ZCWPW2: variants seen among roughly 807,000 people sequenced by gnomAD.
The protein encoded by ZCWPW2 is zinc finger CW-type PWWP domain protein 2.
A neutral mutation model predicts 46.6 loss-of-function variants in ZCWPW2; 45 were observed. The observed-to-expected ratio is 0.96, with a 90% CI of 0.76 to 1.24. The LOEUF (loss-of-function observed/expected upper bound fraction) is 1.24. Ranked by LOEUF, ZCWPW2 falls within the 50% of genes most tolerant of loss-of-function variation. ZCWPW2 has a pLI of 0.00. For missense variants in ZCWPW2, 429 were observed against 403.9 expected (o/e 1.06, Z -0.53); for synonymous variants, 152 against 137.1 (o/e 1.11, Z -0.76).
rs1028524178 is a variant in ZCWPW2, at chr3:28,491,805, A to G, written c.611-322A>G. Among the ~76,000 whole-genome samples, 5 of 152,244 alleles carry G rather than the reference A, an allele frequency of 3.3e-5. No individual in the cohort carries two copies. The East Asian group carries it at 9.7e-4, about 29-fold the overall frequency. ...GCTGGGATTCAGTTCTAGATCCTAT[A>G]TACTCCAGAGCACACAAGCTCCCCA... is the stretch of plus-strand genomic sequence containing the variant. On this transcript the variant is annotated intron_variant, in intron 5 of 9. Coordinates refer to ENST00000383768, the MANE Select transcript of ZCWPW2 (RefSeq NM_001040432.4).
intron 1 of ZCWPW2, among the ~76,000 whole-genome samples, chr3:28,375,585 A>T (rs140354602): frequency 1.5e-3 from 231 of 152,190 alleles, no homozygotes; most frequent in East Asian, 0.012. Context: ...TGAAATAAGC[A>T]TACCATGGAG....
At chr3:28,350,997 T>C (rs558762407) in intron 1 of ZCWPW2, among the ~76,000 whole-genome samples, 1 of 151,830 alleles carries the variant, frequency 6.6e-6, no homozygotes, top group African/African-American at 2.4e-5. Flanking sequence ...AATTTTCATA[T>C]TTTCCCAAGA....
At chr3:28,436,314 C>CTTTT (rs896044426) in intron 4 of ZCWPW2, among the ~76,000 whole-genome samples, 1 of 101,424 alleles carries the variant, frequency 9.9e-6, no homozygotes, top group African/African-American at 4.6e-5. Context: ...TGAATATTTT[C>CTTTT]TTTTTTTTCT....
At chr3:28,480,757 T>G (rs1228390375) in intron 5 of ZCWPW2, among the ~76,000 whole-genome samples, 11 of 152,290 alleles carry the variant, frequency 7.2e-5, no homozygotes, top group Non-Finnish European at 1.2e-4. Context: ...AATTTTTGTA[T>G]ATGGTATAAG....
chr3:28,409,245 A>G (rs1696300773), intron 2 of ZCWPW2, among the ~76,000 whole-genome samples: 1 of 149,048 alleles, frequency 6.7e-6, no homozygotes, highest in South Asian at 2.1e-4. Flanking sequence ...TCAGCCTTGC[A>G]AGTAGCTGGG....
chr3:28,356,692 A>G (rs1024437610), intron 1 of ZCWPW2, among the ~76,000 whole-genome samples: 1 of 152,228 alleles, frequency 6.6e-6, no homozygotes, highest in Non-Finnish European at 1.5e-5. Context: ...TGATGAGTTC[A>G]TGTCCTTTGT....
chr3:28,479,636 G>C (rs185489271), intron 5 of ZCWPW2, among the ~76,000 whole-genome samples: 29 of 152,216 alleles, frequency 1.9e-4, no homozygotes, highest in African/African-American at 6.3e-4. Flanking sequence ...ATTAAGCTTA[G>C]TACACATTAG....
chr3:28,430,661 G>A (rs552721606), intron 3 of ZCWPW2, among the ~76,000 whole-genome samples: 1 of 152,278 alleles, frequency 6.6e-6, no homozygotes, highest in South Asian at 2.1e-4. Context: ...ATTGTAATCT[G>A]AATTGTAATT....
chr3:28,451,139 C>A (rs1276959032), intron 4 of ZCWPW2, among the ~76,000 whole-genome samples: 3 of 152,164 alleles, frequency 2.0e-5, no homozygotes, highest in African/African-American at 7.2e-5. Context: ...CTGCATTCAA[C>A]ATGTGCTGTG....
At chr3:28,463,288 T>C (rs1274902897) in intron 4 of ZCWPW2, among the ~76,000 whole-genome samples, 1 of 152,162 alleles carries the variant, frequency 6.6e-6, no homozygotes, top group Non-Finnish European at 1.5e-5. Flanking sequence ...ATATCCTTTC[T>C]TGGAATCATA....
chr3:28,504,363 C>T lies in ZCWPW2; in HGVS notation c.658-9701C>T, dbSNP rs548097488. 6.7e-4 allele frequency among the ~76,000 whole-genome samples: 102 copies of T among 151,778 alleles called. 1 individual carries two copies. The South Asian group carries it at 8.5e-3, about 13-fold the overall frequency. ...TTTTAGTTGTGCTATTGTGGAGAGTCTGTCTATTCCTATGTATGAGAGAGA... is the reference window on the plus strand; with the variant it reads ...TTTTAGTTGTGCTATTGTGGAGAGTTTGTCTATTCCTATGTATGAGAGAGA... On this transcript the variant is annotated intron_variant, in intron 6 of 9. Coordinates refer to ENST00000383768, the MANE Select transcript of ZCWPW2 (RefSeq NM_001040432.4).
chr3:28,513,677 C>T (rs1051510402), intron 6 of ZCWPW2, among the ~76,000 whole-genome samples: 5 of 152,162 alleles, frequency 3.3e-5, no homozygotes, highest in Admixed American at 2.6e-4. Flanking sequence ...CTCACTATGT[C>T]AGTTTCCACC....
chr3:28,388,717 A>C (rs1173821322), intron 1 of ZCWPW2, among the ~76,000 whole-genome samples: 4 of 152,214 alleles, frequency 2.6e-5, no homozygotes, highest in Non-Finnish European at 5.9e-5. Flanking sequence ...CTGGTCATGT[A>C]GTCATAACTG....
At chr3:28,399,604 A>C (rs962553832) in intron 2 of ZCWPW2, among the ~76,000 whole-genome samples, 1 of 152,228 alleles carries the variant, frequency 6.6e-6, no homozygotes. Flanking sequence ...TTCACATCAC[A>C]GGATTCTGTG....
At chr3:28,361,713 A>G (rs991331356) in intron 1 of ZCWPW2, among the ~76,000 whole-genome samples, 1 of 152,206 alleles carries the variant, frequency 6.6e-6, no homozygotes, top group Admixed American at 6.5e-5. Context: ...AAAATGGCAA[A>G]GGGCTTGATT....
chr3:28,409,831 T>C (rs1696328001), intron 2 of ZCWPW2, among the ~76,000 whole-genome samples: 1 of 152,026 alleles, frequency 6.6e-6, no homozygotes, highest in Admixed American at 6.6e-5. Context: ...AAATAAAAGG[T>C]GCACAAAAAT....
intron 2 of ZCWPW2, among the ~76,000 whole-genome samples, chr3:28,393,550 A>G (rs1695579501): frequency 6.6e-6 from 1 of 152,106 alleles, no homozygotes; most frequent in African/African-American, 2.4e-5. Flanking sequence ...ACAAAATGCC[A>G]TGAAACCAAA....
At chr3:28,382,032 C>T (rs1695124161) in intron 1 of ZCWPW2, among the ~76,000 whole-genome samples, 1 of 151,904 alleles carries the variant, frequency 6.6e-6, no homozygotes, top group Non-Finnish European at 1.5e-5. Flanking sequence ...TGTGTTGGTG[C>T]ATGCCTGTAA....
intron 4 of ZCWPW2, among the ~76,000 whole-genome samples, chr3:28,475,903 T>A (rs779615943): frequency 8.5e-5 from 13 of 152,192 alleles, no homozygotes; most frequent in Non-Finnish European, 1.5e-4. Flanking sequence ...ACTTATCACC[T>A]CTTACACTAT....
Sources: allele counts gnomAD v4.1 joint callset (sites outside exome capture counted in the v4.1 genomes callset), GRCh38; gene constraint gnomAD v4.1.1; transcripts MANE v1.5; gene names NCBI Gene and HGNC (gene_info 2026-07-23, HGNC 2026-07-21).